ANO3: variants seen among roughly 807,000 people sequenced by gnomAD.
The protein encoded by ANO3 is anoctamin-3.
In ANO3, 99 loss-of-function variants were observed where a neutral mutation model predicts 144.8. The observed-to-expected ratio is 0.68, with a 90% CI of 0.58 to 0.81. The LOEUF (loss-of-function observed/expected upper bound fraction) is 0.81, where lower values mean the gene tolerates loss of function less well. Among genes scored for constraint, ANO3 ranks in the 30% least tolerant of loss-of-function variants. The pLI is 0.00. For synonymous variants in ANO3, 414 were observed against 392.6 expected (o/e 1.05, Z -0.64); for missense variants, 905 against 1,202.2 (o/e 0.75, Z 3.66).
intron 1 of ANO3, among the ~76,000 whole-genome samples, chr11:26,380,951 C>T (rs1216522235): frequency 6.6e-6 from 1 of 152,108 alleles, no homozygotes; most frequent in African/African-American, 2.4e-5. Context: ...CATTGCACTC[C>T]AGCCTGGGTG....
intron 1 of ANO3, among the ~76,000 whole-genome samples, chr11:26,289,258 C>G (rs895646900): frequency 6.6e-6 from 1 of 151,748 alleles, no homozygotes; most frequent in African/African-American, 2.4e-5. Flanking sequence ...CCTGGGAACA[C>G]CAGACATTTG....
chr11:26,246,976 G>A (rs1852811768), intron 1 of ANO3, among the ~76,000 whole-genome samples: 1 of 152,084 alleles, frequency 6.6e-6, no homozygotes, highest in South Asian at 2.1e-4. Context: ...AGCAGCATGA[G>A]AATGGACTAA....
At chr11:26,476,889 T>TTGTGTGTGTGTGTATGTG in intron 4 of ANO3, among the ~76,000 whole-genome samples, 1 of 136,402 alleles carries the variant, frequency 7.3e-6, no homozygotes, top group East Asian at 2.3e-4. Context: ...TGTTATAATT[T>TTGTGTGTGTGTGTATGTG]TGTGTGTGTG....
chr11:26,657,467 C>T (rs1368925003), intron 26 of ANO3, among the ~76,000 whole-genome samples: 4 of 152,038 alleles, frequency 2.6e-5, no homozygotes, highest in Non-Finnish European at 5.9e-5. Context: ...ACACTTCTCC[C>T]CCCATCTTAT....
At chr11:26,308,515 G>A (rs1467821036), upstream of ANO3, among the ~76,000 whole-genome samples, 2 of 152,134 alleles carry the variant, frequency 1.3e-5, no homozygotes, top group Non-Finnish European at 2.9e-5. Context: ...ATATTTTACA[G>A]AATTTTTTTT....
chr11:26,359,876 A>AGTGTGTGTGT (rs142194688), intron 1 of ANO3, among the ~76,000 whole-genome samples: 2,966 of 149,436 alleles, frequency 0.02, 41 homozygotes, highest in South Asian at 0.048. Flanking sequence ...ATGTCAGACT[A>AGTGTGTGTGT]GTGTGTGTGT....
At chr11:26,190,334 G>A (rs904152604) in intron 1 of ANO3, among the ~76,000 whole-genome samples, 1 of 151,904 alleles carries the variant, frequency 6.6e-6, no homozygotes, top group Non-Finnish European at 1.5e-5. Context: ...TATATGAGTT[G>A]TTTTACAGTA....
At chr11:26,502,355 A>G (rs1565065129) in intron 4 of ANO3, among the ~76,000 whole-genome samples, 1 of 152,140 alleles carries the variant, frequency 6.6e-6, no homozygotes, top group African/African-American at 2.4e-5. Context: ...CAACATTGTT[A>G]TCTTCATTTA....
intron 1 of ANO3, among the ~76,000 whole-genome samples, chr11:26,344,217 T>C (rs1349105118): frequency 6.6e-6 from 1 of 152,178 alleles, no homozygotes; most frequent in Non-Finnish European, 1.5e-5. Flanking sequence ...TGTATTAAAA[T>C]AGAGTTGAAA....
At chr11:26,489,036 C>A (rs1860590342) in intron 4 of ANO3, among the ~76,000 whole-genome samples, 3 of 152,178 alleles carry the variant, frequency 2.0e-5, no homozygotes, top group Admixed American at 2.0e-4. Context: ...CTTAGCTAGA[C>A]ACAAAAGTTC....
At chr11:26,513,649 C>T (rs546131306) in intron 5 of ANO3, among the ~76,000 whole-genome samples, 1 of 152,220 alleles carries the variant, frequency 6.6e-6, no homozygotes, top group Non-Finnish European at 1.5e-5. Flanking sequence ...CCATTCACAC[C>T]AGAATAAGGC....
At chr11:26,192,425 C>T (rs980111126) in intron 1 of ANO3, among the ~76,000 whole-genome samples, 1 of 152,040 alleles carries the variant, frequency 6.6e-6, no homozygotes, top group Admixed American at 6.6e-5. Context: ...CATTCATGTA[C>T]ACATATTCCT....
chr11:26,508,835 T>C (rs117205191), intron 5 of ANO3: 3,351 of 151,810 alleles, frequency 0.022, 64 homozygotes, highest in Non-Finnish European at 0.035. Flanking sequence ...ATAGAAAACA[T>C]GTATTAATCG....
At position 26,279,444 on chromosome 11, in the gene ANO3, T is replaced by C. The variant is rs186722953; in HGVS notation, c.155-30201T>C. 9.9e-5 allele frequency among the ~76,000 whole-genome samples: 15 copies of C among 152,256 alleles called. No individual in the cohort carries two copies. The East Asian group carries it at 2.9e-3, about 29-fold the overall frequency. ...TAAAGAACTTTGCAAATCATGTATATGAAAAAGATTTCATATGCAGAATAA... is the reference window on the plus strand; with the variant it reads ...TAAAGAACTTTGCAAATCATGTATACGAAAAAGATTTCATATGCAGAATAA... On this transcript the variant is annotated intron_variant, in intron 1 of 27. Coordinates refer to the ANO3 transcript ENST00000672621.
Position 26,589,486 on chromosome 11 carries a change from A to G in ANO3, c.1448-8879A>G, listed in dbSNP as rs189056883. Among the ~76,000 whole-genome samples, 344 of 151,582 alleles carry G rather than the reference A, an allele frequency of 2.3e-3. 4 individuals are homozygous for G. Among genetic ancestry groups the G allele is most frequent in the Middle Eastern group, 0.017 (5 of 294 alleles). ...TGCACCCATTTAAAGTGTCCAATTC[A>G]ATGGGTTTTTTGCATATTCACAGAG... On this transcript the variant is annotated intron_variant, in intron 14 of 26. Transcript: ENST00000256737.
At chr11:26,304,965 G>A (rs1854341396), upstream of ANO3, among the ~76,000 whole-genome samples, 1 of 151,708 alleles carries the variant, frequency 6.6e-6, no homozygotes, top group Non-Finnish European at 1.5e-5. Flanking sequence ...AAGAAGATTT[G>A]ATAATAAACA....
Position 26,195,981 on chromosome 11 carries a change from T to C in ANO3, c.154+6651T>C, listed in dbSNP as rs1345876563. 2.6e-5 allele frequency among the ~76,000 whole-genome samples: 4 copies of C among 152,184 alleles called. No homozygotes were observed. In the East Asian group the frequency reaches 7.7e-4, roughly 29 times the overall value. On this transcript the variant is annotated intron_variant, in intron 1 of 27. Transcript: ENST00000672621. ...ATGGGTGAGATGTTGCCCCATTTCTTTTTTTCCATTGTTCTGCCTATTTAT... is the reference window on the plus strand; with the variant it reads ...ATGGGTGAGATGTTGCCCCATTTCTCTTTTTCCATTGTTCTGCCTATTTAT...
At chr11:26,658,632 A>AT (rs1853774554) in intron 26 of ANO3, among the ~76,000 whole-genome samples, 2 of 152,066 alleles carry the variant, frequency 1.3e-5, no homozygotes, top group African/African-American at 2.4e-5. Context: ...ATACTGAATT[A>AT]TTTTTTGCTC....
intron 17 of ANO3, among the ~76,000 whole-genome samples, chr11:26,618,127 A>T (rs1009493335): frequency 2.0e-5 from 3 of 152,178 alleles, no homozygotes; most frequent in Non-Finnish European, 2.9e-5. Flanking sequence ...GACTTAGATT[A>T]ATATTCTATT....
Sources: gnomAD v4.1 joint callset for allele counts (sites outside exome capture counted in the v4.1 genomes callset) on GRCh38, gnomAD v4.1.1 for gene constraint, MANE v1.5 for transcripts, NCBI Gene and HGNC (gene_info 2026-07-23, HGNC 2026-07-21) for gene names.